GLIPR1: variants seen among roughly 807,000 people sequenced by gnomAD.
GLIPR1 encodes the protein glioma pathogenesis-related protein 1.
Under a neutral mutation model 30.3 loss-of-function variants are expected in GLIPR1, and 38 were observed. The observed-to-expected ratio is 1.26, with a 90% CI of 0.97 to 1.65. The LOEUF is 1.65. Among genes scored for constraint, GLIPR1 ranks in the 40% most tolerant of loss-of-function variants. The pLI is 0.00. For missense variants in GLIPR1, 285 were observed against 326.5 expected (o/e 0.87, Z 0.98); for synonymous variants, 122 against 110.6 (o/e 1.10, Z -0.65).
At chr12:75,490,795 G>A (rs538742219) in intron 3 of GLIPR1, 1 of 226,294 alleles carries the variant, frequency 4.4e-6, no homozygotes, top group Non-Finnish European at 8.8e-6. Flanking sequence ...TTTAAGAGTG[G>A]TAAGACTAAA....
intron 3 of GLIPR1, chr12:75,492,123 C>T (rs540567919): frequency 2.7e-5 from 4 of 148,388 alleles, no homozygotes; most frequent in South Asian, 4.2e-4. Flanking sequence ...GTCTCTCACT[C>T]TGTCACCCAG....
In GLIPR1 at chr12:75,481,048, A is replaced by C. The variant is rs199639558; in HGVS notation, c.168A>C (p.Leu56=). 41 of 1,606,980 alleles carry C rather than the reference A, an allele frequency of 2.6e-5. No homozygotes were observed. The South Asian group carries it at 4.4e-4, about 17-fold the overall frequency. The change falls in exon 1 of 6, where the codon CTA becomes CTC. Residue 56 remains leucine (L), a synonymous_variant. Transcript: ENST00000266659. ...SEVKPTASDM[L]YMTWDPALAQ... ...TGAAACCAACAGCCAGTGATATGCT[A>C]TACATGGTAAGGAAAATATCATTAA... is the stretch of plus-strand genomic sequence containing the variant.
Position 75,499,857 on chromosome 12 carries a change from A to G in GLIPR1, c.*879A>G, listed in dbSNP as rs1050368149. ...TTTCATCTGCCTCCATCTTAAGTGCAATTTCTTCAGCTGTAAGAGCTCCCA... is the reference window on the plus strand; with the variant it reads ...TTTCATCTGCCTCCATCTTAAGTGCGATTTCTTCAGCTGTAAGAGCTCCCA... On this transcript the variant is annotated 3_prime_UTR_variant, in exon 6 of 6. Coordinates refer to ENST00000266659, the MANE Select transcript of GLIPR1 (RefSeq NM_006851.3). 2.5e-6 allele frequency: 4 copies of G among 1,608,100 alleles called. No individual in the cohort carries two copies. The African/African-American group carries it at 5.4e-5, about 22-fold the overall frequency.
chr12:75,495,621 G>A lies in GLIPR1; in HGVS notation c.578G>A (p.Ser193Asn). ...CCATATAAGAGAGGAGCCACCTGCA[G>A]TGCCTGCCCCAATAATGACAAGTGT... ...TWPYKRGATC[S>N]ACPNNDKCLD... The change falls in exon 4 of 6, where the codon AGT (serine) becomes AAT (asparagine). Residue 193 changes from serine (S) to asparagine (N), a missense_variant. Ser to Asn is a conservative substitution (Grantham distance 46). Transcript: ENST00000266659. 6.2e-7 allele frequency: 1 copy of A among 1,611,882 alleles called. No homozygotes were observed. Among genetic ancestry groups the A allele is most frequent in the East Asian group, 2.2e-5 (1 of 44,856 alleles).
chr12:75,500,043 G>A lies in GLIPR1; in HGVS notation c.*1065G>A. ...GTTTAACAAAGAATATATGTTTAAG[G>A]CAGTTAACTTCAGAGTATTCTTATA... On this transcript the variant is annotated 3_prime_UTR_variant, in exon 6 of 6. Coordinates refer to ENST00000266659, the MANE Select transcript of GLIPR1 (RefSeq NM_006851.3). 2 of 960,942 alleles carry A rather than the reference G, an allele frequency of 2.1e-6. No homozygotes were observed. Among genetic ancestry groups the A allele is most frequent in the South Asian group, 3.3e-5 (2 of 59,996 alleles). 59.5% of individuals were successfully genotyped at this position (960,942 alleles called of 1,614,324 possible). A position where few individuals can be genotyped will look rare whatever the true frequency, so the allele number is the denominator to read the frequency against.
chr12:75,486,979 G>T (rs1465099695), intron 2 of GLIPR1, among the ~76,000 whole-genome samples: 1 of 151,994 alleles, frequency 6.6e-6, no homozygotes, highest in Admixed American at 6.6e-5. Context: ...TAATAAACCT[G>T]ACTTTTAAAA....
Position 75,498,979 on chromosome 12 carries a change from TACAATTCAGGAAAG to T in GLIPR1, c.*3_*16del. 6.4e-7 allele frequency: 1 copy of T among 1,560,102 alleles called. No individual in the cohort carries two copies. The highest frequency in any genetic ancestry group is 8.6e-7 in the Non-Finnish European group (1 of 1,158,320). ...CCCTAATTTAGTTCTTTTGGACTAA[TACAATTCAGGAAAG>T]AAAAAACCCAAAAACCAACCTCATT... On this transcript the variant is annotated 3_prime_UTR_variant, in exon 6 of 6. Transcript: ENST00000266659.
rs561794738 is a variant in GLIPR1, at chr12:75,498,993, GA to G, written c.*21del. ...TTTTGGACTAATACAATTCAGGAAA[GA>G]AAAAACCCAAAAACCAACCTCATTC... On this transcript the variant is annotated 3_prime_UTR_variant, in exon 6 of 6. Coordinates refer to ENST00000266659, the MANE Select transcript of GLIPR1 (RefSeq NM_006851.3). 2 of 1,519,968 alleles carry G rather than the reference GA, an allele frequency of 1.3e-6. No individual in the cohort carries two copies. Among genetic ancestry groups the G allele is most frequent in the Admixed American group, 2.3e-5 (1 of 43,374 alleles). The allele number at this position is 1,519,968 out of a possible 1,614,324, so 94.2% of individuals were successfully genotyped here. A position where few individuals can be genotyped will look rare whatever the true frequency, so the allele number is the denominator to read the frequency against.
In GLIPR1 at chr12:75,499,198, T is replaced by C. The variant is rs2046372848; in HGVS notation, c.*220T>C. On this transcript the variant is annotated 3_prime_UTR_variant, in exon 6 of 6. Coordinates refer to ENST00000266659, the MANE Select transcript of GLIPR1 (RefSeq NM_006851.3). ...TTTGCAGGTTGCCACAGGTGGACTTTTAGTAAGTAACCTAACCCATGTTTC... is the reference window on the plus strand; with the variant it reads ...TTTGCAGGTTGCCACAGGTGGACTTCTAGTAAGTAACCTAACCCATGTTTC... 7.9e-6 allele frequency: 3 copies of C among 377,558 alleles called. No individual in the cohort carries two copies. Among genetic ancestry groups the C allele is most frequent in the East Asian group, 8.9e-5 (2 of 22,456 alleles). 23.4% of individuals were successfully genotyped at this position (377,558 alleles called of 1,614,324 possible).
intron 3 of GLIPR1, chr12:75,491,133 T>C (rs1158103790): frequency 6.6e-6 from 1 of 151,946 alleles, no homozygotes; most frequent in Non-Finnish European, 1.5e-5. Context: ...GTGAAAAATT[T>C]TCCTTTTCAA....
chr12:75,481,155 T>C, intron 1 of GLIPR1, 101 bp downstream of exon 1: 1 of 825,854 alleles, frequency 1.2e-6, no homozygotes, highest in South Asian at 1.8e-5. Context: ...GATTTTTTTT[T>C]CATTGTGATT....
intron 4 of GLIPR1, chr12:75,498,456 G>T: frequency 2.5e-6 from 1 of 393,908 alleles, no homozygotes; most frequent in Non-Finnish European, 4.5e-6. Flanking sequence ...TCCATTTATA[G>T]TAATGGTATA....
intron 2 of GLIPR1, chr12:75,484,532 C>CA (rs2046284854): frequency 6.6e-6 from 1 of 152,294 alleles, no homozygotes; most frequent in South Asian, 2.1e-4. Context: ...AAGAGACCAC[C>CA]AAACAGTCTT....
intron 2 of GLIPR1, chr12:75,483,374 T>C (rs1187688113): frequency 6.6e-6 from 1 of 152,182 alleles, no homozygotes; most frequent in East Asian, 1.9e-4. Context: ...TATTAGTCAG[T>C]GTTTAAGCTT....
At position 75,501,679 on chromosome 12, in the gene GLIPR1, C is replaced by CTT. The variant is rs2046394940; in HGVS notation, c.*2704_*2705dup. 7.8e-7 allele frequency: 1 copy of CTT among 1,284,690 alleles called. No individual in the cohort carries two copies. The highest frequency in any genetic ancestry group is 1.5e-5 in the African/African-American group (1 of 67,122). 79.6% of individuals were successfully genotyped at this position (1,284,690 alleles called of 1,614,324 possible). A position where few individuals can be genotyped will look rare whatever the true frequency, so the allele number is the denominator to read the frequency against. On this transcript the variant is annotated 3_prime_UTR_variant, in exon 6 of 6. Transcript: ENST00000266659. ...TTCAGACAAATTTATTATGGGTTTA[C>CTT]TTTTCCTAATTAATAAAGACTTTTA...
chr12:75,487,232 G>T (rs1041662427), intron 2 of GLIPR1, among the ~76,000 whole-genome samples: 1 of 152,200 alleles, frequency 6.6e-6, no homozygotes, highest in Non-Finnish European at 1.5e-5. Context: ...TTGTTAAAAT[G>T]CAGACCCCAA....
In GLIPR1 at chr12:75,481,521, T is replaced by C. The variant is rs1594053761; in HGVS notation, c.175-313T>C. 3.1e-5 allele frequency: 10 copies of C among 319,248 alleles called. No homozygotes were observed. The East Asian group carries it at 6.0e-4, about 19-fold the overall frequency. 19.8% of individuals were successfully genotyped at this position (319,248 alleles called of 1,614,324 possible). ...TGTGGCTTTAAGCTGGTTTTTAACC[T>C]TTCTGAACTTCTTAGGATATGGGCT... On this transcript the variant is annotated intron_variant, in intron 1 of 5. Transcript: ENST00000266659.
Position 75,500,694 on chromosome 12 carries a change from T to C in GLIPR1, c.*1716T>C, listed in dbSNP as rs954846455. 6.6e-6 allele frequency: 1 copy of C among 151,970 alleles called. No homozygotes were observed. The highest frequency in any genetic ancestry group is 1.5e-5 in the Non-Finnish European group (1 of 67,940). 9.4% of individuals were successfully genotyped at this position (151,970 alleles called of 1,614,324 possible). On this transcript the variant is annotated 3_prime_UTR_variant, in exon 6 of 6. Transcript: ENST00000266659. ...TGAACAAAATAGAGAAAGGAAGCAG[T>C]GAAAAAGAATGCAACTTTTTCTTAC... is the stretch of plus-strand genomic sequence containing the variant.
rs1594066499 is a variant in GLIPR1 at position 75,501,558 on chromosome 12, A to C, written c.*2580A>C. On this transcript the variant is annotated 3_prime_UTR_variant, in exon 6 of 6. Transcript: ENST00000266659. The stretch of plus-strand genomic sequence containing the variant: ...TGAAATAGGCATTAGCTGCCTCTAA[A>C]TTATAAATTATCTCAGCCATCCCTT... The C allele has an allele frequency of 1.7e-6, 1 of 585,590 alleles. No homozygotes were observed. The highest frequency in any genetic ancestry group is 2.9e-5 in the East Asian group (1 of 35,076). The allele number at this position is 585,590 out of a possible 1,614,324, so 36.3% of individuals were successfully genotyped here.
Sources: gnomAD v4.1 joint callset for allele counts (sites outside exome capture counted in the v4.1 genomes callset) on GRCh38, gnomAD v4.1.1 for gene constraint, MANE v1.5 for transcripts, NCBI Gene and HGNC (gene_info 2026-07-23, HGNC 2026-07-21) for gene names.